Variants in NCLN observed in about 807,000 individuals in gnomAD.
NCLN encodes BOS complex subunit NCLN.
Under a neutral mutation model 69.5 loss-of-function variants are expected in NCLN, and 34 were observed. The ratio of observed to expected loss-of-function variants is 0.49; its 90% confidence interval spans 0.37 to 0.65. The LOEUF (loss-of-function observed/expected upper bound fraction) is 0.65, where lower values mean the gene tolerates loss of function less well. NCLN is among the 30% of genes least tolerant of loss of function. The pLI, the probability that NCLN is intolerant of heterozygous loss-of-function variation, is 0.00. For synonymous variants in NCLN, 393 were observed against 358.3 expected (o/e 1.10, Z -1.09); for missense variants, 710 against 804.8 (o/e 0.88, Z 1.42).
rs1220212978 is a variant in NCLN, at chr19:3,193,390, C to G, written c.482C>G (p.Ala161Gly). 5.0e-6 allele frequency: 8 copies of G among 1,610,408 alleles called. No individual in the cohort carries two copies. The highest frequency in any genetic ancestry group is 4.0e-5 in the African/African-American group (3 of 74,940). The change falls in exon 3 of 15, where the codon GCT becomes GGT. Residue 161 changes from alanine (A) to glycine (G), a missense_variant. By Grantham distance (60) the Ala-to-Gly change is moderately conservative. Transcript: ENST00000246117. ...CTGTCTATCTACAAGCAGACCCAGG[C>G]TGCCTCCGCCTCCCAGGGCTCCGCC... Reference protein sequence around the residue: ...ALLSIYKQTQAASASQGSASA... With the variant: ...ALLSIYKQTQGASASQGSASA...
At chr19:3,193,116 C>G (rs967902799) in intron 2 of NCLN, among the ~76,000 whole-genome samples, 168 bp from the exon 3 acceptor site, 18 of 148,084 alleles carry the variant, frequency 1.2e-4, no homozygotes, top group Admixed American at 1.1e-3. Flanking sequence ...ATGCCGCCCT[C>G]TGAGGGCCTG....
Position 3,204,044 on chromosome 19 carries a change from G to T in NCLN, c.929G>T (p.Cys310Phe). The change falls in exon 8 of 15, where the codon TGC becomes TTC. Residue 310 changes from cysteine to phenylalanine, a missense_variant. Physicochemically the swap from Cys to Phe is radical, Grantham distance 205 (BLOSUM62 -2). Transcript: ENST00000246117. ...CAGGACAATGTGGCCTTCGTGCTGT[G>T]CCTGGACACCGTGGGCCGGGGCAGC... ...LLQDNVAFVL[C>F]LDTVGRGSSL... 2 of 1,572,394 alleles carry T rather than the reference G, an allele frequency of 1.3e-6. No homozygotes were observed. Among genetic ancestry groups the T allele is most frequent in the Non-Finnish European group, 1.7e-6 (2 of 1,158,596 alleles).
At chr19:3,197,868 G>A (rs1237473175) in intron 4 of NCLN, among the ~76,000 whole-genome samples, 5 of 152,150 alleles carry the variant, frequency 3.3e-5, no homozygotes, top group Admixed American at 1.3e-4. Context: ...TGATCTACCC[G>A]CCTTGGCCTC....
At chr19:3,193,546 C>T in intron 3 of NCLN, 118 bp downstream of exon 3, 5 of 1,259,578 alleles carry the variant, frequency 4.0e-6, no homozygotes, top group Non-Finnish European at 4.2e-6. Context: ...ATCCCTTCGC[C>T]GGGGTTAACA....
chr19:3,204,186 C>T, intron 8 of NCLN, 42 bp downstream of exon 8: 1 of 1,482,412 alleles, frequency 6.7e-7, no homozygotes, highest in Non-Finnish European at 8.9e-7. Flanking sequence ...CTCTGCGGAG[C>T]ACACACATCG....
Position 3,208,063 on chromosome 19 carries a change from A to C in NCLN, c.*375A>C. On this transcript the variant is annotated 3_prime_UTR_variant, in exon 15 of 15. Coordinates refer to ENST00000246117, the MANE Select transcript of NCLN (RefSeq NM_020170.4). ...GCCCGATCGCGCGCGGCCTCCGCCCACCGCCTCCTGCCGCAAGGGGCCTGG... is the reference window on the plus strand; with the variant it reads ...GCCCGATCGCGCGCGGCCTCCGCCCCCCGCCTCCTGCCGCAAGGGGCCTGG... 4.2e-6 allele frequency: 1 copy of C among 240,226 alleles called. No homozygotes were observed. The highest frequency in any genetic ancestry group is 8.2e-6 in the Non-Finnish European group (1 of 121,876). The allele number at this position is 240,226 out of a possible 1,614,324, so 14.9% of individuals were successfully genotyped here.
Position 3,205,714 on chromosome 19 carries a change from C to A in NCLN, c.1209-225C>A. ...CCAAGGCCTCAGGGCGTGAGCCTTACCTGCGCACAGGGACGGGTCAGGGCA... is the reference window on the plus strand; with the variant it reads ...CCAAGGCCTCAGGGCGTGAGCCTTAACTGCGCACAGGGACGGGTCAGGGCA... On this transcript the variant is annotated intron_variant, in intron 9 of 14. Transcript: ENST00000246117. This position sits in a 1 kb window ranked among gnomAD's most constrained non-coding sequence, Gnocchi z 4.6. The A allele has an allele frequency of 1.8e-6, 1 of 560,718 alleles. No homozygotes were observed. Among genetic ancestry groups the A allele is most frequent in the East Asian group, 3.1e-5 (1 of 32,328 alleles). 34.7% of individuals were successfully genotyped at this position (560,718 alleles called of 1,614,324 possible).
chr19:3,200,913 T>C (rs1476246925), intron 5 of NCLN, among the ~76,000 whole-genome samples: 1 of 152,194 alleles, frequency 6.6e-6, no homozygotes, highest in Admixed American at 6.5e-5. Context: ...GGGTGTTTAT[T>C]GTCCCCCTGA....
chr19:3,198,506 CAAAA>C (rs770959188), intron 4 of NCLN, among the ~76,000 whole-genome samples: 92 of 76,752 alleles, frequency 1.2e-3, no homozygotes, highest in Non-Finnish European at 2.2e-3. Flanking sequence ...GATTCCGTCT[CAAAA>C]AAAAAAAAAA....
At chr19:3,199,171 G>C (rs183506371) in intron 5 of NCLN, among the ~76,000 whole-genome samples, 1 of 152,224 alleles carries the variant, frequency 6.6e-6, no homozygotes, top group Admixed American at 6.5e-5. Flanking sequence ...AGGGTTCCCC[G>C]GGCCAGCGCT....
Position 3,204,048 on chromosome 19 carries a change from G to T in NCLN, c.933G>T (p.Leu311=). 6.4e-7 allele frequency: 1 copy of T among 1,570,950 alleles called. No individual in the cohort carries two copies. The highest frequency in any genetic ancestry group is 1.4e-5 in the African/African-American group (1 of 73,856). The part of the protein sequence containing the change: ...LQDNVAFVLC[L]DTVGRGSSLH... ...ACAATGTGGCCTTCGTGCTGTGCCTGGACACCGTGGGCCGGGGCAGCAGCC... is the reference window on the plus strand; with the variant it reads ...ACAATGTGGCCTTCGTGCTGTGCCTTGACACCGTGGGCCGGGGCAGCAGCC... The change falls in exon 8 of 15, where the codon CTG becomes CTT. Residue 311 remains leucine, a synonymous_variant. Transcript: ENST00000246117.
chr19:3,191,946 T>C (rs1168503263), intron 1 of NCLN, among the ~76,000 whole-genome samples: 9 of 152,064 alleles, frequency 5.9e-5, no homozygotes, highest in African/African-American at 1.2e-4. Context: ...CCCTGAACTT[T>C]GGGAGGCCAA....
At position 3,192,480 on chromosome 19, in the gene NCLN, T is replaced by C. The variant is rs893519214; in HGVS notation, c.195T>C (p.Asn65=). ...CCCCTGTGCCCACAGGCACACGGAA[T>C]GCAGTGCTGAACACGGAGGCGCGCA... ...DLQGQPYGTR[N]AVLNTEARTM... Residue 65 remains asparagine (N), a synonymous_variant, in exon 2 of 15, where the codon AAT becomes AAC. Transcript: ENST00000246117. 5 of 1,600,210 alleles carry C rather than the reference T, an allele frequency of 3.1e-6. No individual in the cohort carries two copies. Among genetic ancestry groups the C allele is most frequent in the Non-Finnish European group, 4.3e-6 (5 of 1,175,764 alleles).
At position 3,209,087 on chromosome 19, in the gene NCLN, G is replaced by A. The variant is rs1430098835; in HGVS notation, c.*1399G>A. 2.0e-5 allele frequency: 3 copies of A among 152,324 alleles called. No homozygotes were observed. 9.4% of individuals were successfully genotyped at this position (152,324 alleles called of 1,614,324 possible). A position where few individuals can be genotyped will look rare whatever the true frequency, so the allele number is the denominator to read the frequency against. ...CCAGGGAGGTGTTTGCTGTCCGAAG[G>A]ACCTGGGCCGGCCCATGGGAGCCTG... On this transcript the variant is annotated 3_prime_UTR_variant, in exon 15 of 15. Coordinates refer to ENST00000246117, the MANE Select transcript of NCLN (RefSeq NM_020170.4).
chr19:3,187,161 A>C (rs1599345693), intron 1 of NCLN, among the ~76,000 whole-genome samples: 1 of 149,224 alleles, frequency 6.7e-6, no homozygotes, highest in Admixed American at 6.7e-5. Context: ...CCAAATTCGC[A>C]CCCCCTTGCC....
At chr19:3,197,004 G>T (rs1369699401) in intron 4 of NCLN, among the ~76,000 whole-genome samples, 1 of 152,240 alleles carries the variant, frequency 6.6e-6, no homozygotes, top group Non-Finnish European at 1.5e-5. Flanking sequence ...AAAAGCAGCG[G>T]CTTAGGCCGG....
At chr19:3,195,033 G>A (rs1202758606) in intron 3 of NCLN, among the ~76,000 whole-genome samples, 1 of 151,928 alleles carries the variant, frequency 6.6e-6, no homozygotes, top group Non-Finnish European at 1.5e-5. Flanking sequence ...AAAAAGCCAG[G>A]TGTGGTGGTG....
chr19:3,187,275 T>C (rs1174182284), intron 1 of NCLN, among the ~76,000 whole-genome samples: 1 of 152,214 alleles, frequency 6.6e-6, no homozygotes, highest in African/African-American at 2.4e-5. Flanking sequence ...TGCCTGGCTA[T>C]AGCTGTCCCT....
intron 1 of NCLN, among the ~76,000 whole-genome samples, chr19:3,190,417 C>G (rs2144895511): frequency 6.6e-6 from 1 of 152,238 alleles, no homozygotes. Flanking sequence ...TGTGTCCCGC[C>G]TGTCCCCCCA....
Sources: allele counts gnomAD v4.1 joint callset (sites outside exome capture counted in the v4.1 genomes callset), GRCh38; gene constraint gnomAD v4.1.1; non-coding constraint Gnocchi (gnomAD v3.1); transcripts MANE v1.5; gene names NCBI Gene and HGNC (gene_info 2026-07-23, HGNC 2026-07-21).